Variants in ZBTB10 observed in about 807,000 individuals in gnomAD.
ZBTB10 encodes zinc finger and BTB domain containing 10, also known as zinc finger and BTB domain-containing protein 10.
In ZBTB10, 32 loss-of-function variants were observed where a neutral mutation model predicts 76.4. That is an observed-to-expected ratio of 0.42 (90% CI 0.32 to 0.56). ZBTB10 has a LOEUF of 0.56. Among genes scored for constraint, ZBTB10 ranks in the 20% least tolerant of loss-of-function variants. The pLI, the probability that ZBTB10 is intolerant of heterozygous loss-of-function variation, is 0.14. For missense variants in ZBTB10, 1,057 were observed against 1,098.5 expected, an observed-to-expected ratio of 0.96 and a Z score of 0.53; for synonymous variants, 523 against 432.9, an observed-to-expected ratio of 1.21 and a Z score of -2.58.
rs1352132243 is a variant in ZBTB10, at chr8:80,524,897, G to A, written c.*5369G>A. ...TTACTTAATCATTTTGACAAAGGCA[G>A]TATTGACCAGACATTTCTATTTCAG... On this transcript the variant is annotated 3_prime_UTR_variant, in exon 6 of 6. Transcript: ENST00000455036. 2.0e-5 allele frequency: 3 copies of A among 152,120 alleles called. No individual in the cohort carries two copies. The highest frequency in any genetic ancestry group is 4.4e-5 in the Non-Finnish European group (3 of 67,990). The allele number at this position is 152,120 out of a possible 1,614,324, so 9.4% of individuals were successfully genotyped here. A position where few individuals can be genotyped will look rare whatever the true frequency, so the allele number is the denominator to read the frequency against.
At chr8:80,503,528 T>G (rs1815976694) in intron 2 of ZBTB10, among the ~76,000 whole-genome samples, 1 of 152,032 alleles carries the variant, frequency 6.6e-6, no homozygotes, top group Non-Finnish European at 1.5e-5. Context: ...TTTATTTATG[T>G]TTTTTGAGAG....
chr8:80,496,640 G>T (rs1815790254), intron 1 of ZBTB10, among the ~76,000 whole-genome samples: 1 of 152,124 alleles, frequency 6.6e-6, no homozygotes, highest in African/African-American at 2.4e-5. Flanking sequence ...TATGATAAAG[G>T]CAGAGAATCT....
rs1422379001 is a variant in ZBTB10, at chr8:80,499,538, T to C, written c.1017T>C (p.Ser339=). The change falls in exon 2 of 6, where the codon AGT becomes AGC. Residue 339 remains serine (S), a synonymous_variant. Coordinates refer to ENST00000455036, the MANE Select transcript of ZBTB10 (RefSeq NM_001105539.3). ...AGGAGGGGTACTGTGACTTTAATAG[T>C]AGGCCAAATGAGAACTCTTATTGCT... is the stretch of plus-strand genomic sequence containing the variant. ...PSEEGYCDFN[S]RPNENSYCYQ... 1.2e-6 allele frequency: 2 copies of C among 1,613,276 alleles called. No homozygotes were observed. Among genetic ancestry groups the C allele is most frequent in the South Asian group, 2.2e-5 (2 of 90,808 alleles).
Position 80,493,193 on chromosome 8 carries a change from A to ACGCGCGCGCGCGCG in ZBTB10, c.972+5413_972+5426dup, listed in dbSNP as rs1199081931. Among the ~76,000 whole-genome samples, 113 of 124,456 alleles carry ACGCGCGCGCGCGCG rather than the reference A, an allele frequency of 9.1e-4. 3 individuals carry two copies. The highest frequency in any genetic ancestry group is 1.7e-3 in the South Asian group (6 of 3,462). The allele number at this position is 124,456 out of a possible 152,430, so 81.6% of individuals were successfully genotyped here. On this transcript the variant is annotated intron_variant, in intron 1 of 5. Transcript: ENST00000455036. ...GCGACAAGCAAGACTGTGCCTCAAA[A>ACGCGCGCGCGCGCG]CGCGCGCGCGCGCGCACACACACAC...
intron 1 of ZBTB10, among the ~76,000 whole-genome samples, chr8:80,491,056 T>C (rs1815617949): frequency 6.6e-6 from 1 of 152,168 alleles, no homozygotes; most frequent in Admixed American, 6.5e-5. Flanking sequence ...GTAGCCTAAG[T>C]GTACGGTGCT....
At chr8:80,514,648 T>C (rs1237020704) in intron 3 of ZBTB10, among the ~76,000 whole-genome samples, 1 of 152,214 alleles carries the variant, frequency 6.6e-6, no homozygotes, top group African/African-American at 2.4e-5. Context: ...TTGGGGAATA[T>C]CATATTCACA....
intron 2 of ZBTB10, among the ~76,000 whole-genome samples, chr8:80,512,800 CAA>C (rs1563465880): frequency 6.6e-6 from 1 of 152,078 alleles, no homozygotes; most frequent in African/African-American, 2.4e-5. Flanking sequence ...CTAAATTTCT[CAA>C]AAAGATTGTC....
chr8:80,502,792 C>CT (rs1216443638), intron 2 of ZBTB10, among the ~76,000 whole-genome samples: 1 of 151,902 alleles, frequency 6.6e-6, no homozygotes, highest in African/African-American at 2.4e-5. Context: ...CTCATCAACT[C>CT]TGCCACTTGT....
intron 1 of ZBTB10, among the ~76,000 whole-genome samples, chr8:80,496,673 A>G (rs1006137530): frequency 6.6e-6 from 1 of 152,218 alleles, no homozygotes; most frequent in East Asian, 1.9e-4. Context: ...CTGGCCCAGA[A>G]AATTCAGGGT....
intron 1 of ZBTB10, among the ~76,000 whole-genome samples, chr8:80,488,123 AT>A (rs1815529434): frequency 6.6e-6 from 1 of 152,170 alleles, no homozygotes; most frequent in Non-Finnish European, 1.5e-5. Context: ...CGGTAAAAAA[AT>A]TTTATTAGCT....
intron 1 of ZBTB10, among the ~76,000 whole-genome samples, chr8:80,494,573 C>T (rs1009840636): frequency 6.6e-6 from 1 of 152,106 alleles, no homozygotes; most frequent in African/African-American, 2.4e-5. Flanking sequence ...TCATTGACAC[C>T]TATCTTCCCT....
chr8:80,491,822 C>G (rs773589360), intron 1 of ZBTB10, among the ~76,000 whole-genome samples: 13 of 152,190 alleles, frequency 8.5e-5, no homozygotes, highest in Non-Finnish European at 1.5e-4. Context: ...ATTTTCATAG[C>G]CTAAATCACA....
At position 80,519,572 on chromosome 8, in the gene ZBTB10, A is replaced by G. The variant is rs749160580; in HGVS notation, c.*44A>G. 9.2e-6 allele frequency: 14 copies of G among 1,525,706 alleles called. No individual in the cohort carries two copies. The highest frequency in any genetic ancestry group is 1.3e-5 in the South Asian group (1 of 78,522). The allele number at this position is 1,525,706 out of a possible 1,614,324, so 94.5% of individuals were successfully genotyped here. ...CAAGGATGCTGCATTTGGACCTAAT[A>G]TGAATCGACAATTTGGATTGTTGAA... On this transcript the variant is annotated 3_prime_UTR_variant, in exon 6 of 6. Coordinates refer to ENST00000455036, the MANE Select transcript of ZBTB10 (RefSeq NM_001105539.3).
chr8:80,514,036 T>C (rs1272638468), intron 3 of ZBTB10, 28 bp downstream of exon 3: 1 of 1,584,884 alleles, frequency 6.3e-7, no homozygotes, highest in African/African-American at 1.5e-5. Flanking sequence ...TTAGCAACAG[T>C]ACATTTAAGA....
intron 1 of ZBTB10, among the ~76,000 whole-genome samples, chr8:80,489,563 T>C (rs1245393070): frequency 6.6e-6 from 1 of 152,212 alleles, no homozygotes; most frequent in Non-Finnish European, 1.5e-5. Context: ...AATTAGCTCC[T>C]TTAGTGAACC....
rs375414153 is a variant in ZBTB10 at position 80,499,910 on chromosome 8, A to G, written c.1389A>G (p.Leu463=). The G allele has an allele frequency of 8.6e-5, 138 of 1,613,756 alleles. No homozygotes were observed. The highest frequency in any genetic ancestry group is 1.1e-4 in the Non-Finnish European group (135 of 1,179,874). The change falls in exon 2 of 6, where the codon TTA becomes TTG. Residue 463 remains leucine (L), a synonymous_variant. Transcript: ENST00000455036. Reference sequence around the variant, plus strand: ...GCCGAAATTTCATTAAAGATGCCTTAAATATAAGCATTAAATCAGAAGCTC... The same window carrying G: ...GCCGAAATTTCATTAAAGATGCCTTGAATATAAGCATTAAATCAGAAGCTC... ...QTCRNFIKDA[L]NISIKSEAPE... is the part of the protein sequence containing the mutation.
chr8:80,494,763 T>A (rs1328005887), intron 1 of ZBTB10, among the ~76,000 whole-genome samples: 7 of 151,426 alleles, frequency 4.6e-5, no homozygotes, highest in Non-Finnish European at 1.0e-4. Flanking sequence ...TACAAAAATT[T>A]AAAAAAATAA....
In ZBTB10 at chr8:80,502,952, CTCTT is replaced by C. The variant is rs113896656; in HGVS notation, c.1861+2571_1861+2574del. On this transcript the variant is annotated intron_variant, in intron 2 of 5. Transcript: ENST00000455036. ...GAGCATTACATGCCGTAAAGGGTCT[CTCTT>C]CTGTGGATTCCAATTTAATTGGTAT... Among the ~76,000 whole-genome samples the C allele has an allele frequency of 1.2e-3, 183 of 152,224 alleles. 3 individuals are homozygous for C. The highest frequency in any genetic ancestry group is 4.3e-3 in the African/African-American group (180 of 41,530).
At chr8:80,504,449 A>G (rs1254281172) in intron 2 of ZBTB10, among the ~76,000 whole-genome samples, 2 of 152,136 alleles carry the variant, frequency 1.3e-5, no homozygotes, top group African/African-American at 2.4e-5. Context: ...GGTGCCTTTT[A>G]AAGATTGAGA....
Sources: allele counts gnomAD v4.1 joint callset (sites outside exome capture counted in the v4.1 genomes callset), GRCh38; gene constraint gnomAD v4.1.1; transcripts MANE v1.5; gene names NCBI Gene and HGNC (gene_info 2026-07-23, HGNC 2026-07-21).